The following SH2D1B variants were observed in gnomAD, a reference collection of about 807,000 sequenced individuals.
SH2D1B encodes SH2 domain containing 1B.
SH2D1B carries 11 observed loss-of-function variants against 16.3 expected under a neutral mutation model. The ratio of observed to expected loss-of-function variants is 0.67; its 90% CI spans 0.42 to 1.11. The LOEUF (loss-of-function observed/expected upper bound fraction) is 1.11, where lower values mean the gene tolerates loss of function less well. SH2D1B is among the 50% of genes most tolerant of loss of function. The probability of loss-of-function intolerance (pLI) is 0.00; values close to 1 mark genes in which losing one functional copy is unlikely to be tolerated. For missense variants in SH2D1B, 123 were observed against 153.1 expected (o/e 0.80, Z 1.04); for synonymous variants, 55 against 56.1 (o/e 0.98, Z 0.09).
intron 1 of SH2D1B, 101 bp from the exon 2 acceptor site, chr1:162,402,903 TA>T: frequency 1.1e-6 from 1 of 937,448 alleles, no homozygotes; most frequent in Non-Finnish European, 1.7e-6. Context: ...TCTACAATCC[TA>T]AAAAAACTCT....
At chr1:162,403,488 G>GAAAAAAAAAAAAAAAAAAAA (rs1172751501) in intron 1 of SH2D1B, among the ~76,000 whole-genome samples, 3 of 20,696 alleles carry the variant, frequency 1.4e-4, no homozygotes, top group Non-Finnish European at 2.0e-4. Flanking sequence ...GACTCTGTCT[G>GAAAAAAAAAAAAAAAAAAAA]AAAAAAAAAA....
chr1:162,397,726 C>T (rs1648416615), intron 3 of SH2D1B, among the ~76,000 whole-genome samples: 1 of 152,148 alleles, frequency 6.6e-6, no homozygotes, highest in Non-Finnish European at 1.5e-5. Context: ...GATTCATGCC[C>T]AGGTCTTGGG....
rs146594295 is a variant in SH2D1B at position 162,405,777 on chromosome 1, C to T, written c.135-2975G>A. Among the ~76,000 whole-genome samples, 236 of 152,338 alleles carry T rather than the reference C, an allele frequency of 1.5e-3. 1 individual carries two copies. Among genetic ancestry groups the T allele is most frequent in the Admixed American group, 2.5e-3 (38 of 15,302 alleles). On this transcript the variant is annotated intron_variant, in intron 1 of 3. Transcript: ENST00000367929. ...GTTGAGGTTCAAAAAGGCTGGAATA[C>T]AGGACCTCTAAGTTTTCCCATATCT... is the stretch of plus-strand genomic sequence containing the variant.
At chr1:162,405,899 C>T (rs1648644341) in intron 1 of SH2D1B, among the ~76,000 whole-genome samples, 2 of 152,162 alleles carry the variant, frequency 1.3e-5, no homozygotes, top group African/African-American at 4.8e-5. Flanking sequence ...CATGAACAGC[C>T]CACAGATTAG....
intron 2 of SH2D1B, among the ~76,000 whole-genome samples, chr1:162,400,124 A>C (rs901650929): frequency 1.1e-4 from 16 of 152,184 alleles, no homozygotes; most frequent in Non-Finnish European, 2.1e-4. Flanking sequence ...TGTATACTTT[A>C]TGAATTTAAA....
At chr1:162,406,738 T>C (rs1337622263) in intron 1 of SH2D1B, among the ~76,000 whole-genome samples, 1 of 152,192 alleles carries the variant, frequency 6.6e-6, no homozygotes, top group African/African-American at 2.4e-5. Context: ...AGGCAATAGA[T>C]AGACATTGCC....
rs1648358485 is a variant in SH2D1B at position 162,395,714 on chromosome 1, T to C, written c.*1566A>G. On this transcript the variant is annotated 3_prime_UTR_variant, in exon 4 of 4. Coordinates refer to ENST00000367929, the MANE Select transcript of SH2D1B (RefSeq NM_053282.5). Reference sequence around the variant, plus strand: ...AACATTTCACCAACACCATATCCTATTAGAAATGTAATAAAACATAAGATA... The same window carrying C: ...AACATTTCACCAACACCATATCCTACTAGAAATGTAATAAAACATAAGATA... 1 of 152,140 alleles carries C rather than the reference T, an allele frequency of 6.6e-6. No homozygotes were observed. The allele number at this position is 152,140 out of a possible 1,614,324, so 9.4% of individuals were successfully genotyped here.
In SH2D1B at chr1:162,397,104, C is replaced by T; in HGVS notation, c.*176G>A. 6.5e-6 allele frequency: 4 copies of T among 616,842 alleles called. No individual in the cohort carries two copies. Among genetic ancestry groups the T allele is most frequent in the South Asian group, 2.0e-5 (1 of 50,984 alleles). The allele number at this position is 616,842 out of a possible 1,614,324, so 38.2% of individuals were successfully genotyped here. ...TTGCTCCTGGTATATGTCTGGGAGGCGGGGATGTGGAGAGTGACCTCTGGT... is the reference window on the plus strand; with the variant it reads ...TTGCTCCTGGTATATGTCTGGGAGGTGGGGATGTGGAGAGTGACCTCTGGT... On this transcript the variant is annotated 3_prime_UTR_variant, in exon 4 of 4. Transcript: ENST00000367929.
intron 1 of SH2D1B, among the ~76,000 whole-genome samples, chr1:162,409,396 T>C (rs968206864): frequency 2.6e-5 from 4 of 152,182 alleles, no homozygotes; most frequent in Non-Finnish European, 4.4e-5. Flanking sequence ...TATAGAACCA[T>C]TCTTTTAAAA....
At chr1:162,400,286 C>CTTTTTTTTTTTTTTTT in intron 2 of SH2D1B, among the ~76,000 whole-genome samples, 1 of 83,284 alleles carries the variant, frequency 1.2e-5, no homozygotes, top group East Asian at 4.0e-4. Flanking sequence ...ACACCACGTA[C>CTTTTTTTTTTTTTTTT]TTTTTTTTTT....
In SH2D1B at chr1:162,402,647, TCG is replaced by T. The variant is rs965866872; in HGVS notation, c.198+90_198+91del. ...TTGTGCTTTCCTTTTTAGAATGCTT[TCG>T]CACAGTCATGGCTCAGGTAAAAGAC... On this transcript the variant is annotated intron_variant, in intron 2 of 3. Transcript: ENST00000367929. 4.2e-5 allele frequency: 45 copies of T among 1,070,776 alleles called. No individual in the cohort carries two copies. The African/African-American group carries it at 6.6e-4, about 16-fold the overall frequency. The allele number at this position is 1,070,776 out of a possible 1,614,324, so 66.3% of individuals were successfully genotyped here. A position where few individuals can be genotyped will look rare whatever the true frequency, so the allele number is the denominator to read the frequency against.
chr1:162,411,864 G>A lies in SH2D1B; in HGVS notation c.134+19C>T. ...ATTCAACATACGATGTCAGATGTGT[G>A]CAAGATGAGGCTACTCACGAGACAC... On this transcript the variant is annotated intron_variant, in intron 1 of 3. Coordinates refer to ENST00000367929, the MANE Select transcript of SH2D1B (RefSeq NM_053282.5). 6.2e-7 allele frequency: 1 copy of A among 1,613,956 alleles called. No individual in the cohort carries two copies. Among genetic ancestry groups the A allele is most frequent in the Non-Finnish European group, 8.5e-7 (1 of 1,180,018 alleles).
At chr1:162,403,511 A>AAAAAT (rs1648579325) in intron 1 of SH2D1B, among the ~76,000 whole-genome samples, 2 of 42,038 alleles carry the variant, frequency 4.8e-5, no homozygotes, top group African/African-American at 2.1e-4. Flanking sequence ...AAAAAAAAAA[A>AAAAAT]ATATATATAT....
intron 3 of SH2D1B, among the ~76,000 whole-genome samples, chr1:162,397,704 C>A (rs1283900491): frequency 6.6e-6 from 1 of 152,178 alleles, no homozygotes; most frequent in Non-Finnish European, 1.5e-5. Context: ...GCATGGAAAA[C>A]TGATGGAGTG....
At position 162,397,121 on chromosome 1, in the gene SH2D1B, A is replaced by AC; in HGVS notation, c.*158dup. ...CTGGGAGGCGGGGATGTGGAGAGTG[A>AC]CCTCTGGTGCTGGTGGGCAGAACAT... is the stretch of plus-strand genomic sequence containing the variant. On this transcript the variant is annotated 3_prime_UTR_variant, in exon 4 of 4. Coordinates refer to ENST00000367929, the MANE Select transcript of SH2D1B (RefSeq NM_053282.5). 1.4e-6 allele frequency: 1 copy of AC among 694,134 alleles called. No individual in the cohort carries two copies. The allele number at this position is 694,134 out of a possible 1,614,324, so 43.0% of individuals were successfully genotyped here.
intron 2 of SH2D1B, among the ~76,000 whole-genome samples, chr1:162,401,009 A>G (rs1351761110): frequency 6.6e-6 from 1 of 152,154 alleles, no homozygotes; most frequent in Non-Finnish European, 1.5e-5. Context: ...CTTGATCGTC[A>G]CTGTGGTTTT....
intron 2 of SH2D1B, among the ~76,000 whole-genome samples, chr1:162,401,503 G>T (rs1648517051): frequency 2.0e-5 from 3 of 151,726 alleles, no homozygotes; most frequent in Admixed American, 2.0e-4. Context: ...CACATATATT[G>T]TGCATGTATA....
At chr1:162,409,232 A>G (rs1261018482) in intron 1 of SH2D1B, among the ~76,000 whole-genome samples, 2 of 151,962 alleles carry the variant, frequency 1.3e-5, no homozygotes, top group Non-Finnish European at 2.9e-5. Flanking sequence ...GCCCCAGCAC[A>G]ACTAGCTCTT....
At chr1:162,408,139 T>C (rs139761903) in intron 1 of SH2D1B, among the ~76,000 whole-genome samples, 137 of 152,336 alleles carry the variant, frequency 9.0e-4, no homozygotes, top group African/African-American at 3.3e-3. Flanking sequence ...CTGTCTGACA[T>C]ATGAGAGAAT....
Sources: gnomAD v4.1 joint callset for allele counts (sites outside exome capture counted in the v4.1 genomes callset) on GRCh38, gnomAD v4.1.1 for gene constraint, MANE v1.5 for transcripts, NCBI Gene and HGNC (gene_info 2026-07-23, HGNC 2026-07-21) for gene names.